MRPL19: variants seen among roughly 807,000 people sequenced by gnomAD.
The protein encoded by MRPL19 is large ribosomal subunit protein bL19m.
Under a neutral mutation model 34.0 loss-of-function variants are expected in MRPL19, and 31 were observed. That is an observed-to-expected ratio of 0.91 (90% CI 0.68 to 1.23). MRPL19 has a LOEUF of 1.23. Ranked by LOEUF, MRPL19 falls within the 50% of genes most tolerant of loss-of-function variation. The pLI is 0.00. For synonymous variants in MRPL19, 152 were observed against 127.7 expected (o/e 1.19, Z -1.28); for missense variants, 384 against 367.6 (o/e 1.04, Z -0.37).
At chr2:75,649,309 A>G (rs1678282356) in intron 2 of MRPL19, among the ~76,000 whole-genome samples, 1 of 152,228 alleles carries the variant, frequency 6.6e-6, no homozygotes, top group South Asian at 2.1e-4. Context: ...TTGAGTATGA[A>G]CTCTGTATTA....
chr2:75,649,451 C>G (rs1678285212), intron 2 of MRPL19, among the ~76,000 whole-genome samples: 1 of 151,754 alleles, frequency 6.6e-6, no homozygotes, highest in Non-Finnish European at 1.5e-5. Context: ...TTGTTGGTGT[C>G]TTTTATGTGT....
chr2:75,658,066 T>C lies in MRPL19; in HGVS notation c.*2781T>C, dbSNP rs1678504704. Among the ~76,000 whole-genome samples, 1 of 152,086 alleles carries C rather than the reference T, an allele frequency of 6.6e-6. No homozygotes were observed. Among genetic ancestry groups the C allele is most frequent in the Non-Finnish European group, 1.5e-5 (1 of 67,988 alleles). ...TTCCTGTATCTCTCCCAACCCCAGG[T>C]AACCTCAAATCTTTCTTTTTATCTT... is the stretch of plus-strand genomic sequence containing the variant. On this transcript the variant is annotated 3_prime_UTR_variant, in exon 6 of 6. Coordinates refer to ENST00000393909, the MANE Select transcript of MRPL19 (RefSeq NM_014763.4).
In MRPL19 at chr2:75,656,601, T is replaced by C. The variant is rs1470579451; in HGVS notation, c.*1316T>C. The C allele has an allele frequency of 1.3e-5, 2 of 152,170 alleles. No individual in the cohort carries two copies. The highest frequency in any genetic ancestry group is 2.9e-5 in the Non-Finnish European group (2 of 68,014). The allele number at this position is 152,170 out of a possible 1,614,324, so 9.4% of individuals were successfully genotyped here. On this transcript the variant is annotated 3_prime_UTR_variant, in exon 6 of 6. Coordinates refer to ENST00000393909, the MANE Select transcript of MRPL19 (RefSeq NM_014763.4). ...TTGATTGATACTTTATACGTTTAGG[T>C]AGGAGGTAATTTTCCTTCAGGACTT...
intron 2 of MRPL19, among the ~76,000 whole-genome samples, chr2:75,650,977 G>A (rs1415031751): frequency 6.6e-6 from 1 of 152,198 alleles, no homozygotes; most frequent in Non-Finnish European, 1.5e-5. Context: ...GAGACAGTCA[G>A]TAGGGAGTAG....
intron 4 of MRPL19, among the ~76,000 whole-genome samples, chr2:75,653,176 A>C (rs1410325331): frequency 6.6e-6 from 1 of 152,224 alleles, no homozygotes; most frequent in Non-Finnish European, 1.5e-5. Context: ...AAACTCTAGC[A>C]AGATTATTAA....
chr2:75,655,577 G>C lies in MRPL19; in HGVS notation c.*292G>C. ...AATGAGCATGGAACCTGAGCAAAGG[G>C]AATAGGTGGGATGAATTTTTTTTTT... On this transcript the variant is annotated 3_prime_UTR_variant, in exon 6 of 6. Coordinates refer to ENST00000393909, the MANE Select transcript of MRPL19 (RefSeq NM_014763.4). 1 of 242,552 alleles carries C rather than the reference G, an allele frequency of 4.1e-6. No individual in the cohort carries two copies. The highest frequency in any genetic ancestry group is 7.8e-6 in the Non-Finnish European group (1 of 127,870). The allele number at this position is 242,552 out of a possible 1,614,324, so 15.0% of individuals were successfully genotyped here.
chr2:75,654,971 A>C lies in MRPL19; in HGVS notation c.657+54A>C. 4 of 1,543,678 alleles carry C rather than the reference A, an allele frequency of 2.6e-6. No homozygotes were observed. In the South Asian group the frequency reaches 4.9e-5, roughly 19 times the overall value. ...TTCAAGTATAAAATAAGAAAGAAAG[A>C]ATCATCTTAATGAAAACTTCAGAAG... is the stretch of plus-strand genomic sequence containing the variant. On this transcript the variant is annotated intron_variant, in intron 5 of 5. Transcript: ENST00000393909.
rs374481895 is a variant in MRPL19, at chr2:75,655,122, A to G, written c.716A>G (p.Asn239Ser). The G allele has an allele frequency of 1.2e-5, 20 of 1,612,096 alleles. No homozygotes were observed. The highest frequency in any genetic ancestry group is 2.7e-5 in the African/African-American group (2 of 74,350). Residue 239 changes from asparagine to serine, a missense_variant, in exon 6 of 6, where the codon AAT becomes AGT. By Grantham distance (46) the Asn-to-Ser change is conservative. Transcript: ENST00000393909. The stretch of plus-strand genomic sequence containing the variant: ...AAACGCTGGGAACGTCCAAATTTTA[A>G]TATTAAAGGAATCAGATTTGATCTT... Reference protein sequence around the residue: ...WSKRWERPNFNIKGIRFDLCL... With the variant: ...WSKRWERPNFSIKGIRFDLCL...
At position 75,646,813 on chromosome 2, in the gene MRPL19, G is replaced by A. The variant is rs992405413; in HGVS notation, c.6G>A (p.Ala2=). The change falls in exon 1 of 6, where the codon GCG becomes GCA. Residue 2 remains alanine (A), a synonymous_variant. Transcript: ENST00000393909. ...CTTGACGTGAGCTAGCTGGCATGGCGGCCTGCATTGCAGCGGGGCACTGGG... is the reference window on the plus strand; with the variant it reads ...CTTGACGTGAGCTAGCTGGCATGGCAGCCTGCATTGCAGCGGGGCACTGGG... The part of the protein sequence containing the change: M[A]ACIAAGHWAA... 3 of 1,527,642 alleles carry A rather than the reference G, an allele frequency of 2.0e-6. No individual in the cohort carries two copies. Among genetic ancestry groups the A allele is most frequent in the Admixed American group, 4.3e-5 (2 of 46,800 alleles). The allele number at this position is 1,527,642 out of a possible 1,614,324, so 94.6% of individuals were successfully genotyped here. A position where few individuals can be genotyped will look rare whatever the true frequency, so the allele number is the denominator to read the frequency against.
At position 75,657,647 on chromosome 2, in the gene MRPL19, C is replaced by T. The variant is rs1678490097; in HGVS notation, c.*2362C>T. 1 of 152,120 alleles carries T rather than the reference C, an allele frequency of 6.6e-6. No individual in the cohort carries two copies. The allele number at this position is 152,120 out of a possible 1,614,324, so 9.4% of individuals were successfully genotyped here. A position where few individuals can be genotyped will look rare whatever the true frequency, so the allele number is the denominator to read the frequency against. ...TGTTCTTTTTCTGTCTTGATAAACACACTTCAATCTTGGTAGAATGGTAGA... is the reference window on the plus strand; with the variant it reads ...TGTTCTTTTTCTGTCTTGATAAACATACTTCAATCTTGGTAGAATGGTAGA... On this transcript the variant is annotated 3_prime_UTR_variant, in exon 6 of 6. Transcript: ENST00000393909.
In MRPL19 at chr2:75,647,217, CA is replaced by C. The variant is rs1558718524; in HGVS notation, c.220del (p.Arg74GlyfsTer3). On this transcript the variant is annotated frameshift_variant and splice_region_variant, in exon 2 of 6. Coordinates refer to ENST00000393909, the MANE Select transcript of MRPL19 (RefSeq NM_014763.4). LOFTEE classifies it high-confidence loss of function. ...DKHRPVEPER[R>X]FLSPEFIPRR... ...AGCACCGCCCCGTGGAACCGGAACG[CA>C]GGTGAGGCACTGCCCTGGCGCTAGG... The C allele has an allele frequency of 3.8e-6, 6 of 1,579,148 alleles. No homozygotes were observed. The highest frequency in any genetic ancestry group is 5.2e-6 in the Non-Finnish European group (6 of 1,162,190).
chr2:75,656,421 T>G lies in MRPL19; in HGVS notation c.*1136T>G, dbSNP rs1414965858. The G allele has an allele frequency of 6.6e-6, 1 of 152,202 alleles. No homozygotes were observed. The highest frequency in any genetic ancestry group is 1.5e-5 in the Non-Finnish European group (1 of 68,044). The allele number at this position is 152,202 out of a possible 1,614,324, so 9.4% of individuals were successfully genotyped here. A position where few individuals can be genotyped will look rare whatever the true frequency, so the allele number is the denominator to read the frequency against. On this transcript the variant is annotated 3_prime_UTR_variant, in exon 6 of 6. Coordinates refer to ENST00000393909, the MANE Select transcript of MRPL19 (RefSeq NM_014763.4). Reference sequence around the variant, plus strand: ...TCTGCCCTCTGGTTCCTAGCTGTCTTGGGACTAACTTCTTTCCTGCGCTCA... The same window carrying G: ...TCTGCCCTCTGGTTCCTAGCTGTCTGGGGACTAACTTCTTTCCTGCGCTCA...
Position 75,659,217 on chromosome 2 carries a change from T to G in MRPL19, c.*3932T>G, listed in dbSNP as rs1678541844. 6.6e-6 allele frequency among the ~76,000 whole-genome samples: 1 copy of G among 152,072 alleles called. No homozygotes were observed. The highest frequency in any genetic ancestry group is 1.9e-4 in the East Asian group (1 of 5,192). On this transcript the variant is annotated 3_prime_UTR_variant, in exon 6 of 6. Coordinates refer to ENST00000393909, the MANE Select transcript of MRPL19 (RefSeq NM_014763.4). ...GCTATGGGGATTATAGTTAACATCCTACACTTAAAACAATCTAATTTAAAC... is the reference window on the plus strand; with the variant it reads ...GCTATGGGGATTATAGTTAACATCCGACACTTAAAACAATCTAATTTAAAC...
chr2:75,652,364 T>C (rs1678351566), intron 3 of MRPL19, 104 bp downstream of exon 3: 5 of 1,297,280 alleles, frequency 3.9e-6, no homozygotes, highest in Non-Finnish European at 5.4e-6. Context: ...TTTTTACATA[T>C]CTGGGTTATG....
Position 75,647,508 on chromosome 2 carries a change from T to C in MRPL19, c.221+289T>C, listed in dbSNP as rs964925229. 4.0e-5 allele frequency: 15 copies of C among 374,318 alleles called. No homozygotes were observed. In the Admixed American group the frequency reaches 5.6e-4, roughly 14 times the overall value. The allele number at this position is 374,318 out of a possible 1,614,324, so 23.2% of individuals were successfully genotyped here. On this transcript the variant is annotated intron_variant, in intron 2 of 5. Coordinates refer to ENST00000393909, the MANE Select transcript of MRPL19 (RefSeq NM_014763.4). Reference sequence around the variant, plus strand: ...CCTGTACCAGAGTTTTTCTCTGAGGTATATCCTGTTTATACCTGTTTACGT... The same window carrying C: ...CCTGTACCAGAGTTTTTCTCTGAGGCATATCCTGTTTATACCTGTTTACGT...
At position 75,655,142 on chromosome 2, in the gene MRPL19, G is replaced by C. The variant is rs745458104; in HGVS notation, c.736G>C (p.Asp246His). ...TTTTAATATTAAAGGAATCAGATTT[G>C]ATCTTTGTTTAACTGAACAGCAAAT... The part of the protein sequence containing the change: ...PNFNIKGIRF[D>H]LCLTEQQMKE... Residue 246 changes from aspartate to histidine, a missense_variant, in exon 6 of 6, where the codon GAT (aspartate) becomes CAT (histidine). Coordinates refer to ENST00000393909, the MANE Select transcript of MRPL19 (RefSeq NM_014763.4). 6.3e-7 allele frequency: 1 copy of C among 1,594,490 alleles called. No homozygotes were observed. The highest frequency in any genetic ancestry group is 1.4e-5 in the African/African-American group (1 of 72,818).
intron 4 of MRPL19, among the ~76,000 whole-genome samples, chr2:75,654,102 G>C (rs990409531): frequency 6.6e-6 from 1 of 152,064 alleles, no homozygotes; most frequent in Non-Finnish European, 1.5e-5. Context: ...CTCACAGTTC[G>C]GGAGGCTGGG....
At position 75,654,783 on chromosome 2, in the gene MRPL19, C is replaced by T; in HGVS notation, c.523C>T (p.Gln175Ter). 1.2e-6 allele frequency: 2 copies of T among 1,613,798 alleles called. No individual in the cohort carries two copies. Among genetic ancestry groups the T allele is most frequent in the Non-Finnish European group, 1.7e-6 (2 of 1,179,850 alleles). ...ELYNPRVQEI[Q>*]VVKLEKRLDD... ...TTATAATCCTCGGGTCCAGGAGATT[C>T]AGGTGGTCAAATTAGAGAAACGGCT... is the stretch of plus-strand genomic sequence containing the variant. The change falls in exon 5 of 6, where the codon CAG becomes TAG. Residue 175 changes from glutamine to a stop codon, truncating the protein, a stop_gained. Coordinates refer to ENST00000393909, the MANE Select transcript of MRPL19 (RefSeq NM_014763.4). LOFTEE classifies it high-confidence loss of function.
chr2:75,655,839 A>G lies in MRPL19; in HGVS notation c.*554A>G, dbSNP rs1678437179. On this transcript the variant is annotated 3_prime_UTR_variant, in exon 6 of 6. Transcript: ENST00000393909. The stretch of plus-strand genomic sequence containing the variant: ...TTGCATTTCTTTTAGTTTACTGCCA[A>G]CACATATATTCTTCAACAATATATT... 1 of 152,002 alleles carries G rather than the reference A, an allele frequency of 6.6e-6. No homozygotes were observed. The highest frequency in any genetic ancestry group is 6.6e-5 in the Admixed American group (1 of 15,264). The allele number at this position is 152,002 out of a possible 1,614,324, so 9.4% of individuals were successfully genotyped here. A position where few individuals can be genotyped will look rare whatever the true frequency, so the allele number is the denominator to read the frequency against.
Sources: gnomAD v4.1 joint callset for allele counts (sites outside exome capture counted in the v4.1 genomes callset) on GRCh38, gnomAD v4.1.1 for gene constraint, MANE v1.5 for transcripts, NCBI Gene and HGNC (gene_info 2026-07-23, HGNC 2026-07-21) for gene names.